Variants in TAS2R4 observed in about 807,000 individuals in gnomAD.
The protein encoded by TAS2R4 is taste 2 receptor member 4.
TAS2R4 carries 18 observed loss-of-function variants against 14.3 expected under a neutral mutation model. The observed-to-expected ratio is 1.26, with a 90% confidence interval of 0.87 to 1.86. The LOEUF (loss-of-function observed/expected upper bound fraction) is 1.86, where lower values mean the gene tolerates loss of function less well. Among genes scored for constraint, TAS2R4 ranks in the 40% most tolerant of loss-of-function variants. The probability of loss-of-function intolerance (pLI) is 0.00; values close to 1 mark genes in which losing one functional copy is unlikely to be tolerated. For missense variants in TAS2R4, 306 were observed against 342.7 expected (o/e 0.89, Z 0.85); for synonymous variants, 130 against 138.5 (o/e 0.94, Z 0.43).
At position 141,779,074 on chromosome 7, in the gene TAS2R4, G is replaced by A; in HGVS notation, c.586G>A (p.Ala196Thr). The change falls in exon 1 of 1, where the codon GCT (alanine) becomes ACT (threonine). Residue 196 changes from alanine (A) to threonine (T), a missense_variant. By Grantham distance (58) the Ala-to-Thr change is moderately conservative (BLOSUM62 0). Coordinates refer to ENST00000247881, the MANE Select transcript of TAS2R4 (RefSeq NM_016944.2). ...CCAGTTCATCATTAATGTGACTTCT[G>A]CTTCCTTGCTAATACACTCCTTGAG... is the stretch of plus-strand genomic sequence containing the variant. ...SLQFIINVTSASLLIHSLRRH... is the reference protein window; with the variant it reads ...SLQFIINVTSTSLLIHSLRRH... 6.2e-7 allele frequency: 1 copy of A among 1,614,162 alleles called. No homozygotes were observed. The highest frequency in any genetic ancestry group is 8.5e-7 in the Non-Finnish European group (1 of 1,180,022).
rs1215258722 is a variant in TAS2R4, at chr7:141,780,120, A to C, written c.*732A>C. 3 of 152,374 alleles carry C rather than the reference A, an allele frequency of 2.0e-5. No individual in the cohort carries two copies. Among genetic ancestry groups the C allele is most frequent in the African/African-American group, 7.2e-5 (3 of 41,430 alleles). 9.4% of individuals were successfully genotyped at this position (152,374 alleles called of 1,614,324 possible). ...CTACTCGGGAGGCTGAGGCAGGAGAATGGCTTCAACCCAGGAGGCGGAGCT... is the reference window on the plus strand; with the variant it reads ...CTACTCGGGAGGCTGAGGCAGGAGACTGGCTTCAACCCAGGAGGCGGAGCT... On this transcript the variant is annotated 3_prime_UTR_variant, in exon 1 of 1. Transcript: ENST00000247881.
At position 141,777,871 on chromosome 7, in the gene TAS2R4, T is replaced by C. The variant is rs987963930; in HGVS notation, c.-618T>C. The stretch of plus-strand genomic sequence containing the variant: ...ATTGAGAAAGGTTTTCTCAAGGAGG[T>C]ATTGGGTCTTTGAACTTGATCTATT... On this transcript the variant is annotated 5_prime_UTR_variant, in exon 1 of 1. Coordinates refer to ENST00000247881, the MANE Select transcript of TAS2R4 (RefSeq NM_016944.2). Among the ~76,000 whole-genome samples the C allele has an allele frequency of 1.3e-5, 2 of 152,026 alleles. No homozygotes were observed. The highest frequency in any genetic ancestry group is 2.9e-5 in the Non-Finnish European group (2 of 68,014).
rs1235394965 is a variant in TAS2R4 at position 141,780,783 on chromosome 7, A to G, written c.*1395A>G. ...TTCATAAAATGCTTATGTAATATTT[A>G]CATATGTCAAATAAATCTTAAAATT... is the stretch of plus-strand genomic sequence containing the variant. On this transcript the variant is annotated 3_prime_UTR_variant, in exon 1 of 1. Coordinates refer to ENST00000247881, the MANE Select transcript of TAS2R4 (RefSeq NM_016944.2). 6.6e-6 allele frequency: 1 copy of G among 152,220 alleles called. No individual in the cohort carries two copies. Among genetic ancestry groups the G allele is most frequent in the Non-Finnish European group, 1.5e-5 (1 of 68,048 alleles). The allele number at this position is 152,220 out of a possible 1,614,324, so 9.4% of individuals were successfully genotyped here.
Position 141,779,488 on chromosome 7 carries a change from T to G in TAS2R4, c.*100T>G. 3 of 1,207,874 alleles carry G rather than the reference T, an allele frequency of 2.5e-6. No homozygotes were observed. The highest frequency in any genetic ancestry group is 3.4e-6 in the Non-Finnish European group (3 of 889,634). The allele number at this position is 1,207,874 out of a possible 1,614,324, so 74.8% of individuals were successfully genotyped here. A position where few individuals can be genotyped will look rare whatever the true frequency, so the allele number is the denominator to read the frequency against. Reference sequence around the variant, plus strand: ...TGATCTGGGGAATTCAGTTTTGTGATTGCTGATCTGACATCATAGGCTTTT... The same window carrying G: ...TGATCTGGGGAATTCAGTTTTGTGAGTGCTGATCTGACATCATAGGCTTTT... On this transcript the variant is annotated 3_prime_UTR_variant, in exon 1 of 1. Transcript: ENST00000247881.
In TAS2R4 at chr7:141,780,962, A is replaced by C. The variant is rs1270218244; in HGVS notation, c.*1574A>C. ...GATAAAAGGATTACTGAGAGTGATTAAATGCATACTATGTCTTAAGAACTC... is the reference window on the plus strand; with the variant it reads ...GATAAAAGGATTACTGAGAGTGATTCAATGCATACTATGTCTTAAGAACTC... On this transcript the variant is annotated 3_prime_UTR_variant, in exon 1 of 1. Transcript: ENST00000247881. The C allele has an allele frequency of 6.6e-6, 1 of 152,164 alleles. No individual in the cohort carries two copies. The highest frequency in any genetic ancestry group is 1.5e-5 in the Non-Finnish European group (1 of 68,042). 9.4% of individuals were successfully genotyped at this position (152,164 alleles called of 1,614,324 possible). A position where few individuals can be genotyped will look rare whatever the true frequency, so the allele number is the denominator to read the frequency against.
chr7:141,778,761 G>A lies in TAS2R4; in HGVS notation c.273G>A (p.Leu91=), dbSNP rs1337711021. ...TTTTTGTGTTGTGTTTCATGTTTTT[G>A]GACTCGAGCAGTGTCTGGTTTGTGA... The part of the protein sequence containing the change: ...SAFFVLCFMF[L]DSSSVWFVTL... The change falls in exon 1 of 1, where the codon TTG becomes TTA. Residue 91 remains leucine (L), a synonymous_variant. Coordinates refer to ENST00000247881, the MANE Select transcript of TAS2R4 (RefSeq NM_016944.2). The A allele has an allele frequency of 6.2e-7, 1 of 1,614,134 alleles. No individual in the cohort carries two copies. The highest frequency in any genetic ancestry group is 1.1e-5 in the South Asian group (1 of 91,082).
chr7:141,779,720 A>C lies in TAS2R4; in HGVS notation c.*332A>C. ...GAAATTCTTCCAAATTAGAGAACACATTGGGGTGCACGTGATGAGTTAGAT... is the reference window on the plus strand; with the variant it reads ...GAAATTCTTCCAAATTAGAGAACACCTTGGGGTGCACGTGATGAGTTAGAT... On this transcript the variant is annotated 3_prime_UTR_variant, in exon 1 of 1. Transcript: ENST00000247881. The C allele has an allele frequency of 4.3e-6, 1 of 231,540 alleles. No homozygotes were observed. Among genetic ancestry groups the C allele is most frequent in the East Asian group, 1.1e-4 (1 of 9,410 alleles). The allele number at this position is 231,540 out of a possible 1,614,324, so 14.3% of individuals were successfully genotyped here. A position where few individuals can be genotyped will look rare whatever the true frequency, so the allele number is the denominator to read the frequency against.
At position 141,778,845 on chromosome 7, in the gene TAS2R4, C is replaced by G; in HGVS notation, c.357C>G (p.Leu119=). The part of the protein sequence containing the change: ...KITNFQHSVF[L]LLKRNISPKI... ...CTAACTTCCAACACTCAGTGTTTCTCCTGCTGAAGCGGAATATCTCCCCAA... is the reference window on the plus strand; with the variant it reads ...CTAACTTCCAACACTCAGTGTTTCTGCTGCTGAAGCGGAATATCTCCCCAA... The change falls in exon 1 of 1, where the codon CTC becomes CTG. Residue 119 remains leucine (L), a synonymous_variant. Coordinates refer to ENST00000247881, the MANE Select transcript of TAS2R4 (RefSeq NM_016944.2). The G allele has an allele frequency of 2.5e-6, 4 of 1,614,214 alleles. No individual in the cohort carries two copies. The highest frequency in any genetic ancestry group is 3.4e-6 in the Non-Finnish European group (4 of 1,180,038).
rs1160530758 is a variant in TAS2R4 at position 141,779,216 on chromosome 7, C to T, written c.728C>T (p.Ser243Leu). 6.2e-7 allele frequency: 1 copy of T among 1,614,204 alleles called. No homozygotes were observed. The change falls in exon 1 of 1, where the codon TCA (serine) becomes TTA (leucine). Residue 243 changes from serine to leucine, a missense_variant. By Grantham distance (145) the Ser-to-Leu change is moderately radical. Coordinates refer to ENST00000247881, the MANE Select transcript of TAS2R4 (RefSeq NM_016944.2). ...VYFLILYIPYSVATLVQYLPF... is the reference protein window; with the variant it reads ...VYFLILYIPYLVATLVQYLPF... The stretch of plus-strand genomic sequence containing the variant: ...TTCCTCATCCTCTACATTCCATATT[C>T]AGTTGCTACCCTGGTCCAGTATCTC...
rs141226099 is a variant in TAS2R4, at chr7:141,778,499, T to C, written c.11T>C (p.Leu4Ser). The C allele has an allele frequency of 2.5e-6, 4 of 1,610,578 alleles. No individual in the cohort carries two copies. In the African/African-American group the frequency reaches 5.4e-5, roughly 22 times the overall value. ...CCTCAATGAGTAAAGATGCTTCGGT[T>C]ATTCTATTTCTCTGCTATTATTGCC... MLR[L>S]FYFSAIIASV... The change falls in exon 1 of 1, where the codon TTA becomes TCA. Residue 4 changes from leucine (L) to serine (S), a missense_variant. Coordinates refer to ENST00000247881, the MANE Select transcript of TAS2R4 (RefSeq NM_016944.2).
chr7:141,777,156 T>G lies in TAS2R4; in HGVS notation c.-1333T>G, dbSNP rs1162736645. Among the ~76,000 whole-genome samples, 1 of 152,226 alleles carries G rather than the reference T, an allele frequency of 6.6e-6. No individual in the cohort carries two copies. Among genetic ancestry groups the G allele is most frequent in the Non-Finnish European group, 1.5e-5 (1 of 68,040 alleles). On this transcript the variant is annotated 5_prime_UTR_variant, in exon 1 of 1. Transcript: ENST00000247881. ...TCCTTTTAGTCATAGTCTTCCTGGC[T>G]CATTCTGTTTGCCTGCTTACCTGAT...
Position 141,778,667 on chromosome 7 carries a change from G to A in TAS2R4, c.179G>A (p.Gly60Glu), listed in dbSNP as rs761945343. The change falls in exon 1 of 1, where the codon GGA becomes GAA. Residue 60 changes from glycine to glutamate, a missense_variant. Transcript: ENST00000247881. ...GGCATCACCAGGTTTCTTATGCTGG[G>A]ACTATTTCTGGTGAACACCATCTAC... ...SLGITRFLML[G>E]LFLVNTIYFV... The A allele has an allele frequency of 1.9e-6, 3 of 1,614,052 alleles. No homozygotes were observed. Among genetic ancestry groups the A allele is most frequent in the South Asian group, 2.2e-5 (2 of 91,076 alleles).
rs35615465 is a variant in TAS2R4, at chr7:141,781,576, A to ATT, written c.*2195_*2196dup. Among the ~76,000 whole-genome samples the ATT allele has an allele frequency of 1.3e-4, 19 of 151,566 alleles. No homozygotes were observed. Among genetic ancestry groups the ATT allele is most frequent in the East Asian group, 3.9e-4 (2 of 5,172 alleles). On this transcript the variant is annotated 3_prime_UTR_variant, in exon 1 of 1. Coordinates refer to ENST00000247881, the MANE Select transcript of TAS2R4 (RefSeq NM_016944.2). ...AAACCTGTACATGTGGTATAATACCATTTTTTTTGGTAAAAATGTGTACAT... is the reference window on the plus strand; with the variant it reads ...AAACCTGTACATGTGGTATAATACCATTTTTTTTTTGGTAAAAATGTGTACAT...
chr7:141,776,871 A>G lies in TAS2R4; in HGVS notation c.-1618A>G, dbSNP rs1476549544. Among the ~76,000 whole-genome samples the G allele has an allele frequency of 6.6e-6, 1 of 152,152 alleles. No homozygotes were observed. Among genetic ancestry groups the G allele is most frequent in the Non-Finnish European group, 1.5e-5 (1 of 68,028 alleles). ...AACTTCTAACTGAATGAGCTCATTC[A>G]TTGATTGTGCTAGCCAACCTTATCA... On this transcript the variant is annotated 5_prime_UTR_variant, in exon 1 of 1. Transcript: ENST00000247881.
At position 141,778,562 on chromosome 7, in the gene TAS2R4, T is replaced by A; in HGVS notation, c.74T>A (p.Leu25Gln). 1 of 1,614,134 alleles carries A rather than the reference T, an allele frequency of 6.2e-7. No individual in the cohort carries two copies. Among genetic ancestry groups the A allele is most frequent in the Non-Finnish European group, 8.5e-7 (1 of 1,180,002 alleles). The change falls in exon 1 of 1, where the codon CTG (leucine) becomes CAG (glutamine). Residue 25 changes from leucine to glutamine, a missense_variant. Leu to Gln is a moderately radical substitution (Grantham distance 113). Coordinates refer to ENST00000247881, the MANE Select transcript of TAS2R4 (RefSeq NM_016944.2). ...AATTTTGTAGGAATCATTATGAATC[T>A]GTTTATTACAGTGGTCAATTGCAAA... ...ILNFVGIIMNLFITVVNCKTW... is the reference protein window; with the variant it reads ...ILNFVGIIMNQFITVVNCKTW...
rs1378323145 is a variant in TAS2R4, at chr7:141,777,707, C to T, written c.-782C>T. Among the ~76,000 whole-genome samples, 2 of 152,068 alleles carry T rather than the reference C, an allele frequency of 1.3e-5. No individual in the cohort carries two copies. Among genetic ancestry groups the T allele is most frequent in the African/African-American group, 2.4e-5 (1 of 41,386 alleles). On this transcript the variant is annotated 5_prime_UTR_variant, in exon 1 of 1. Coordinates refer to ENST00000247881, the MANE Select transcript of TAS2R4 (RefSeq NM_016944.2). ...GCCACATATGATCTAAACATAAACC[C>T]AGATTTATAAAGGAAACACCTACAA...
Position 141,778,513 on chromosome 7 carries a change from G to A in TAS2R4, c.25G>A (p.Ala9Thr), listed in dbSNP as rs1196189724. 6.2e-7 allele frequency: 1 copy of A among 1,613,170 alleles called. No homozygotes were observed. Among genetic ancestry groups the A allele is most frequent in the Non-Finnish European group, 8.5e-7 (1 of 1,179,692 alleles). MLRLFYFS[A>T]IIASVILNFV... Reference sequence around the variant, plus strand: ...GATGCTTCGGTTATTCTATTTCTCTGCTATTATTGCCTCAGTTATTTTAAA... The same window carrying A: ...GATGCTTCGGTTATTCTATTTCTCTACTATTATTGCCTCAGTTATTTTAAA... Residue 9 changes from alanine to threonine, a missense_variant, in exon 1 of 1, where the codon GCT becomes ACT. Coordinates refer to ENST00000247881, the MANE Select transcript of TAS2R4 (RefSeq NM_016944.2).
Position 141,779,206 on chromosome 7 carries a change from AT to A in TAS2R4, c.720del (p.Pro241HisfsTer26), listed in dbSNP as rs1355858213. The A allele has an allele frequency of 2.5e-6, 4 of 1,613,960 alleles. No homozygotes were observed. In the African/African-American group the frequency reaches 5.3e-5, roughly 22 times the overall value. On this transcript the variant is annotated frameshift_variant, in exon 1 of 1. Coordinates refer to ENST00000247881, the MANE Select transcript of TAS2R4 (RefSeq NM_016944.2). LOFTEE classifies it high-confidence loss of function. ...KLMVYFLILYIPYSVATLVQY... is the reference protein window; with the variant it reads ...KLMVYFLILYXPYSVATLVQY... ...GATGGTCTATTTCCTCATCCTCTAC[AT>A]TCCATATTCAGTTGCTACCCTGGTC...
rs748272641 is a variant in TAS2R4, at chr7:141,776,983, G to T, written c.-1506G>T. Among the ~76,000 whole-genome samples, 3 of 151,950 alleles carry T rather than the reference G, an allele frequency of 2.0e-5. No individual in the cohort carries two copies. On this transcript the variant is annotated 5_prime_UTR_variant, in exon 1 of 1. Transcript: ENST00000247881. ...ATAGAGTTTGTTACTATCTAATTCTGGGATTCCTGCTCTTTTGGCCACATT... is the reference window on the plus strand; with the variant it reads ...ATAGAGTTTGTTACTATCTAATTCTTGGATTCCTGCTCTTTTGGCCACATT...
Sources: gnomAD v4.1 joint callset for allele counts (sites outside exome capture counted in the v4.1 genomes callset) on GRCh38, gnomAD v4.1.1 for gene constraint, MANE v1.5 for transcripts, NCBI Gene and HGNC (gene_info 2026-07-23, HGNC 2026-07-21) for gene names.